Variants in NXN observed in about 807,000 individuals in gnomAD.
The protein encoded by NXN is nucleoredoxin, also known as nucleoredoxin 1.
Under a neutral mutation model 48.6 loss-of-function variants are expected in NXN, and 16 were observed. The observed-to-expected ratio is 0.33, with a 90% CI of 0.22 to 0.50. The LOEUF is 0.50. NXN is among the 20% of genes least tolerant of loss of function. The pLI, the probability that NXN is intolerant of heterozygous loss-of-function variation, is 0.98. For synonymous variants in NXN, 281 were observed against 269.6 expected (o/e 1.04, Z -0.41); for missense variants, 492 against 605.5 (o/e 0.81, Z 1.97).
chr17:839,797 T>TTAAA lies in NXN; in HGVS notation c.361-13720_361-13719insTTTA. On this transcript the variant is annotated intron_variant, in intron 1 of 7. Transcript: ENST00000336868. The stretch of plus-strand genomic sequence containing the variant: ...CAGCCTGGCGACAGAGAGACCTTGT[T>TTAAA]AAAAAAAAAAAAAAAAAGGCCAGGC... Among the ~76,000 whole-genome samples the TTAAA allele has an allele frequency of 5.2e-5, 3 of 57,272 alleles. No individual in the cohort carries two copies. In the East Asian group the frequency reaches 2.4e-3, roughly 46 times the overall value. The allele number at this position is 57,272 out of a possible 152,430, so 37.6% of individuals were successfully genotyped here. A position where few individuals can be genotyped will look rare whatever the true frequency, so the allele number is the denominator to read the frequency against.
At chr17:879,294 T>G (rs892749599) in intron 1 of NXN, among the ~76,000 whole-genome samples, 5 of 136,412 alleles carry the variant, frequency 3.7e-5, no homozygotes, top group East Asian at 4.1e-4. Context: ...TTTGGTTTTT[T>G]GTTTTTTTTT....
At chr17:801,421 A>G (rs1055684829) in intron 7 of NXN, among the ~76,000 whole-genome samples, 1 of 144,642 alleles carries the variant, frequency 6.9e-6, no homozygotes, top group Non-Finnish European at 1.5e-5. Flanking sequence ...ATACGTCCTC[A>G]GCATTTTAGA....
intron 1 of NXN, among the ~76,000 whole-genome samples, chr17:871,053 G>T (rs539765750): frequency 6.6e-6 from 1 of 152,150 alleles, no homozygotes; most frequent in Non-Finnish European, 1.5e-5. Flanking sequence ...AGTAGAGACG[G>T]GGTTTCACTG....
At chr17:811,770 A>G (rs1912026294) in intron 5 of NXN, among the ~76,000 whole-genome samples, 1 of 152,102 alleles carries the variant, frequency 6.6e-6, no homozygotes, top group Non-Finnish European at 1.5e-5. Flanking sequence ...TCAAGGGCAC[A>G]GCCTCGAGGC....
chr17:896,690 C>T (rs2068489899), intron 1 of NXN, among the ~76,000 whole-genome samples: 1 of 152,136 alleles, frequency 6.6e-6, no homozygotes, highest in Non-Finnish European at 1.5e-5. Context: ...TCACCCCGGC[C>T]CAAGGAAGTT....
At chr17:933,936 C>T (rs2068879203) in intron 1 of NXN, among the ~76,000 whole-genome samples, 1 of 152,176 alleles carries the variant, frequency 6.6e-6, no homozygotes, top group Non-Finnish European at 1.5e-5. Context: ...CATCCCTTGC[C>T]TTTTATTAAT....
intron 1 of NXN, among the ~76,000 whole-genome samples, chr17:898,135 G>A (rs921511348): frequency 5.3e-5 from 8 of 152,042 alleles, no homozygotes; most frequent in Non-Finnish European, 7.4e-5. Flanking sequence ...GTCTTCATGG[G>A]GCTCAGGGTT....
intron 5 of NXN, among the ~76,000 whole-genome samples, chr17:815,783 C>T (rs562820130): frequency 5.9e-5 from 9 of 152,344 alleles, no homozygotes; most frequent in Non-Finnish European, 1.0e-4. Context: ...GAACGTTTAA[C>T]GTGCCTCCGG....
At chr17:967,032 A>T (rs1355817506) in intron 1 of NXN, among the ~76,000 whole-genome samples, 1 of 151,876 alleles carries the variant, frequency 6.6e-6, no homozygotes, top group East Asian at 1.9e-4. Context: ...GTCACTGGAA[A>T]CACCCCACAC....
chr17:936,312 GTTC>G (rs1301965224), intron 1 of NXN, among the ~76,000 whole-genome samples: 1 of 152,020 alleles, frequency 6.6e-6, no homozygotes, highest in African/African-American at 2.4e-5. Context: ...TTTGCTTTGT[GTTC>G]TTCTCCCGTG....
At chr17:869,933 G>A (rs1030857150) in intron 1 of NXN, among the ~76,000 whole-genome samples, 2 of 152,212 alleles carry the variant, frequency 1.3e-5, no homozygotes, top group African/African-American at 4.8e-5. Flanking sequence ...GGAAAGGATG[G>A]TGCCAGGCGC....
rs577751293 is a variant in NXN, at chr17:800,193, G to A, written c.*756C>T. 3.9e-5 allele frequency: 6 copies of A among 152,530 alleles called. No individual in the cohort carries two copies. The South Asian group carries it at 1.0e-3, about 26-fold the overall frequency. 9.4% of individuals were successfully genotyped at this position (152,530 alleles called of 1,614,324 possible). On this transcript the variant is annotated 3_prime_UTR_variant, in exon 8 of 8. Coordinates refer to ENST00000336868, the MANE Select transcript of NXN (RefSeq NM_022463.5). ...CACCTCAGCAGAGATCAGGGGCCTTGGGCACAGAGCTGGGTGGAGCGAGAG... is the reference window on the plus strand; with the variant it reads ...CACCTCAGCAGAGATCAGGGGCCTTAGGCACAGAGCTGGGTGGAGCGAGAG...
intron 1 of NXN, among the ~76,000 whole-genome samples, chr17:887,830 C>T (rs558222028): frequency 6.6e-6 from 1 of 152,284 alleles, no homozygotes; most frequent in East Asian, 1.9e-4. Flanking sequence ...TGACCCAATT[C>T]CCATTCGATG....
chr17:880,323 A>T, intron 1 of NXN, among the ~76,000 whole-genome samples: 8 of 151,822 alleles, frequency 5.3e-5, no homozygotes, highest in African/African-American at 1.5e-4. Context: ...AGAACTAAAT[A>T]CCTTGGATTA....
At chr17:891,537 A>G (rs2068416584) in intron 1 of NXN, among the ~76,000 whole-genome samples, 1 of 152,226 alleles carries the variant, frequency 6.6e-6, no homozygotes, top group South Asian at 2.1e-4. Flanking sequence ...GTCTACAATG[A>G]GACTAGGACA....
rs139544733 is a variant in NXN, at chr17:836,828, A to C, written c.361-10750T>G. On this transcript the variant is annotated intron_variant, in intron 1 of 7. Transcript: ENST00000336868. The stretch of plus-strand genomic sequence containing the variant: ...TTAAGCTAAGGCGCTGACACAGACA[A>C]TGGGTCTCATTCTGTGGCCCAGGCA... 7.9e-3 allele frequency among the ~76,000 whole-genome samples: 1,210 copies of C among 152,208 alleles called. 11 individuals carry two copies. The highest frequency in any genetic ancestry group is 0.029 in the East Asian group (152 of 5,184).
chr17:839,183 C>T (rs1227248383), intron 1 of NXN, among the ~76,000 whole-genome samples: 1 of 152,118 alleles, frequency 6.6e-6, no homozygotes, highest in Non-Finnish European at 1.5e-5. Context: ...GCCTGGAATC[C>T]CAGCATTTTG....
intron 1 of NXN, among the ~76,000 whole-genome samples, chr17:903,423 C>A (rs2068555074): frequency 1.3e-5 from 2 of 151,788 alleles, no homozygotes; most frequent in African/African-American, 4.8e-5. Context: ...GCTCTGTCAC[C>A]CAGGCTGGAG....
intron 1 of NXN, among the ~76,000 whole-genome samples, chr17:873,848 T>G (rs538867199): frequency 1.3e-5 from 2 of 152,082 alleles, no homozygotes; most frequent in South Asian, 4.2e-4. Context: ...GGACAGTGAG[T>G]GAGGGAGTGG....
Sources: gnomAD v4.1 joint callset for allele counts (sites outside exome capture counted in the v4.1 genomes callset) on GRCh38, gnomAD v4.1.1 for gene constraint, MANE v1.5 for transcripts, NCBI Gene and HGNC (gene_info 2026-07-23, HGNC 2026-07-21) for gene names.